GSK3B: variants seen among roughly 807,000 people sequenced by gnomAD.
The protein encoded by GSK3B is glycogen synthase kinase 3 beta.
Under a neutral mutation model 56.4 loss-of-function variants are expected in GSK3B, and 15 were observed. The ratio of observed to expected loss-of-function variants is 0.27; its 90% CI spans 0.18 to 0.41. The LOEUF is 0.41. Ranked by LOEUF, GSK3B falls within the 10% of genes least tolerant of loss-of-function variation. The pLI is 1.00. For missense variants in GSK3B, 300 were observed against 513.4 expected, an observed-to-expected ratio of 0.58 and a Z score of 4.02; for synonymous variants, 181 against 188.9, an observed-to-expected ratio of 0.96 and a Z score of 0.34.
At chr3:119,999,381 C>A (rs2057653967) in intron 2 of GSK3B, among the ~76,000 whole-genome samples, 1 of 152,158 alleles carries the variant, frequency 6.6e-6, no homozygotes, top group African/African-American at 2.4e-5. Flanking sequence ...ATCCACTTGC[C>A]AACTGTGTGA....
At chr3:119,954,864 A>G (rs190267089) in intron 2 of GSK3B, among the ~76,000 whole-genome samples, 114 of 152,282 alleles carry the variant, frequency 7.5e-4, no homozygotes, top group Admixed American at 4.6e-3. Context: ...ATATTTTTGT[A>G]CCATTACATA....
chr3:120,087,621 G>A (rs534105468), intron 1 of GSK3B, among the ~76,000 whole-genome samples: 3 of 152,190 alleles, frequency 2.0e-5, no homozygotes, highest in East Asian at 1.9e-4. Flanking sequence ...AAGGGAACAC[G>A]TTAAGGACTT....
chr3:120,020,318 GA>G (rs2057865351), intron 1 of GSK3B, among the ~76,000 whole-genome samples: 1 of 152,110 alleles, frequency 6.6e-6, no homozygotes, highest in African/African-American at 2.4e-5. Flanking sequence ...ATGCCTAAGA[GA>G]AAAATATATA....
Position 120,016,025 on chromosome 3 carries a change from TA to T in GSK3B, c.89-13787del, listed in dbSNP as rs1217873853. 2.0e-5 allele frequency among the ~76,000 whole-genome samples: 3 copies of T among 152,236 alleles called. No individual in the cohort carries two copies. In the East Asian group the frequency reaches 5.8e-4, roughly 29 times the overall value. On this transcript the variant is annotated intron_variant, in intron 1 of 10. Transcript: ENST00000264235. ...ATGGGTGGGAAATTTACTCTGTTCC[TA>T]ACCCTTTTCCAAATAATTCTGGTTT...
chr3:120,003,161 T>G (rs2057695073), intron 1 of GSK3B, among the ~76,000 whole-genome samples: 1 of 152,170 alleles, frequency 6.6e-6, no homozygotes, highest in African/African-American at 2.4e-5. Flanking sequence ...CCCAATTATA[T>G]AAGCATATCA....
chr3:120,002,332 A>G, intron 1 of GSK3B, 93 bp from the exon 2 acceptor site: 1 of 576,072 alleles, frequency 1.7e-6, no homozygotes, highest in East Asian at 3.3e-5. Flanking sequence ...TATATTCTTT[A>G]TTTTTTATTT....
At chr3:119,920,634 T>C (rs1328210506) in intron 4 of GSK3B, among the ~76,000 whole-genome samples, 1 of 152,208 alleles carries the variant, frequency 6.6e-6, no homozygotes, top group Non-Finnish European at 1.5e-5. Context: ...TTAAATTATT[T>C]TTAGCTGGTG....
At chr3:120,054,062 T>C (rs2058173035) in intron 1 of GSK3B, among the ~76,000 whole-genome samples, 1 of 152,198 alleles carries the variant, frequency 6.6e-6, no homozygotes, top group African/African-American at 2.4e-5. Context: ...TAACTGATAT[T>C]CATGGTAGCT....
chr3:120,027,961 A>AT (rs1238294884), intron 1 of GSK3B, among the ~76,000 whole-genome samples: 6 of 152,354 alleles, frequency 3.9e-5, no homozygotes, highest in African/African-American at 1.4e-4. Flanking sequence ...CTAAAAAAAA[A>AT]TCCAATATGC....
intron 3 of GSK3B, among the ~76,000 whole-genome samples, chr3:119,940,171 A>T (rs573625910): frequency 3.3e-5 from 5 of 151,562 alleles, no homozygotes; most frequent in Admixed American, 2.6e-4. Flanking sequence ...TATATATAAA[A>T]ATATATATAA....
intron 4 of GSK3B, among the ~76,000 whole-genome samples, chr3:119,917,419 A>AAGGCATTTAGGT (rs1236645929): frequency 6.6e-6 from 1 of 152,190 alleles, no homozygotes; most frequent in African/African-American, 2.4e-5. Context: ...AGTTAAAATT[A>AAGGCATTTAGGT]AGGCATTTAG....
intron 1 of GSK3B, among the ~76,000 whole-genome samples, chr3:120,067,215 C>T (rs183994285): frequency 6.4e-5 from 9 of 140,470 alleles, no homozygotes; most frequent in Admixed American, 1.4e-4. Context: ...AAAGAATAGA[C>T]GCAGTAATCA....
intron 8 of GSK3B, among the ~76,000 whole-genome samples, chr3:119,876,171 G>T (rs1366045930): frequency 6.6e-6 from 1 of 152,056 alleles, no homozygotes; most frequent in Non-Finnish European, 1.5e-5. Context: ...GTACTTTAAT[G>T]ATATAAGTAC....
At chr3:119,995,588 C>T (rs904297188) in intron 2 of GSK3B, among the ~76,000 whole-genome samples, 10 of 151,758 alleles carry the variant, frequency 6.6e-5, no homozygotes, top group Non-Finnish European at 1.0e-4. Context: ...CCTCAGTCAC[C>T]GTGCCCAGCT....
intron 1 of GSK3B, among the ~76,000 whole-genome samples, chr3:120,079,926 T>C (rs1049438079): frequency 6.6e-6 from 1 of 152,146 alleles, no homozygotes; most frequent in African/African-American, 2.4e-5. Flanking sequence ...CAGAAGGAAA[T>C]ACCATGCTGA....
At chr3:119,957,150 G>A (rs1300094331) in intron 2 of GSK3B, among the ~76,000 whole-genome samples, 2 of 152,106 alleles carry the variant, frequency 1.3e-5, no homozygotes, top group Admixed American at 6.5e-5. Flanking sequence ...TATTGATTTA[G>A]GGACTAATGT....
intron 1 of GSK3B, among the ~76,000 whole-genome samples, chr3:120,074,351 A>G (rs1004099359): frequency 7.2e-6 from 1 of 138,068 alleles, no homozygotes; most frequent in East Asian, 2.0e-4. Context: ...GTCATGAGAA[A>G]CTTTTTTTTT....
chr3:120,085,021 C>T (rs1355763024), intron 1 of GSK3B, among the ~76,000 whole-genome samples: 1 of 152,138 alleles, frequency 6.6e-6, no homozygotes, highest in Non-Finnish European at 1.5e-5. Context: ...TGAAAGGACA[C>T]ATAAGAAATT....
chr3:119,943,245 C>T (rs1211193265), intron 3 of GSK3B, among the ~76,000 whole-genome samples: 1 of 152,198 alleles, frequency 6.6e-6, no homozygotes, highest in Non-Finnish European at 1.5e-5. Flanking sequence ...AGAAATCCTA[C>T]TTTAATTCTC....
Sources: gnomAD v4.1 joint callset for allele counts (sites outside exome capture counted in the v4.1 genomes callset) on GRCh38, gnomAD v4.1.1 for gene constraint, MANE v1.5 for transcripts, NCBI Gene and HGNC (gene_info 2026-07-23, HGNC 2026-07-21) for gene names.